Variants in ASAP3 observed in about 807,000 individuals in gnomAD.
ASAP3 encodes the protein arf-GAP with SH3 domain, ANK repeat and PH domain-containing protein 3.
ASAP3 carries 85 observed loss-of-function variants against 118.2 expected under a neutral mutation model. That is an observed-to-expected ratio of 0.72 (90% CI 0.60 to 0.86). ASAP3 has a LOEUF of 0.86. ASAP3 is among the 40% of genes least tolerant of loss of function. The pLI, the probability that ASAP3 is intolerant of heterozygous loss-of-function variation, is 0.00. For synonymous variants in ASAP3, 432 were observed against 477.4 expected (o/e 0.90, Z 1.24); for missense variants, 1,026 against 1,175.0 (o/e 0.87, Z 1.85).
intron 18 of ASAP3, 67 bp downstream of exon 18, chr1:23,434,466 A>G (rs1640561487): frequency 7.5e-6 from 12 of 1,598,444 alleles, no homozygotes. Context: ...AGGGAAGAGA[A>G]TGGGAGAAGA....
At chr1:23,459,575 G>A (rs1222499081) in intron 1 of ASAP3, among the ~76,000 whole-genome samples, 1 of 152,220 alleles carries the variant, frequency 6.6e-6, no homozygotes, top group Non-Finnish European at 1.5e-5. Context: ...TTGACTGACT[G>A]AAATGCTAAA....
intron 1 of ASAP3, among the ~76,000 whole-genome samples, chr1:23,467,857 G>A (rs1281119445): frequency 6.6e-6 from 1 of 150,942 alleles, no homozygotes; most frequent in African/African-American, 2.4e-5. Context: ...GGAGGCTGAG[G>A]CAGAGAACTG....
At position 23,452,873 on chromosome 1, in the gene ASAP3, G is replaced by C. The variant is rs778463651; in HGVS notation, c.349-102C>G. On this transcript the variant is annotated intron_variant, in intron 3 of 24. Coordinates refer to ENST00000336689, the MANE Select transcript of ASAP3 (RefSeq NM_017707.4). Reference sequence around the variant, plus strand: ...CATCACTTGGCAAAGAGAGCAGCGGGGAAGGGAAGTAGGGGAGAGGAAAAG... The same window carrying C: ...CATCACTTGGCAAAGAGAGCAGCGGCGAAGGGAAGTAGGGGAGAGGAAAAG... 3.3e-5 allele frequency: 38 copies of C among 1,154,170 alleles called. 1 individual carries two copies. The highest frequency in any genetic ancestry group is 4.7e-5 in the Non-Finnish European group (36 of 769,298). 71.5% of individuals were successfully genotyped at this position (1,154,170 alleles called of 1,614,324 possible). A position where few individuals can be genotyped will look rare whatever the true frequency, so the allele number is the denominator to read the frequency against.
intron 1 of ASAP3, among the ~76,000 whole-genome samples, chr1:23,482,211 C>T (rs767462967): frequency 2.2e-4 from 33 of 152,210 alleles, no homozygotes; most frequent in Admixed American, 6.5e-4. Flanking sequence ...ATTAATCTGA[C>T]GATAATCATT....
intron 1 of ASAP3, among the ~76,000 whole-genome samples, chr1:23,470,238 G>A (rs529089406): frequency 3.5e-4 from 54 of 152,312 alleles, no homozygotes; most frequent in African/African-American, 1.3e-3. Flanking sequence ...ACACAGTTGA[G>A]GTTAGTCATA....
Position 23,435,973 on chromosome 1 carries a change from G to T in ASAP3, c.1627C>A (p.Arg543=). Residue 543 remains arginine (R), a synonymous_variant, in exon 17 of 25, where the codon CGG becomes AGG. Coordinates refer to ENST00000336689, the MANE Select transcript of ASAP3 (RefSeq NM_017707.4). ...AKYVEHRFAR[R]CTPEPQRLWT... ...AGTCGCTGAGGCTCAGGTGTGCACC[G>T]GCGTGCAAACCTATGCTCCACATAC... 1 of 1,614,222 alleles carries T rather than the reference G, an allele frequency of 6.2e-7. No individual in the cohort carries two copies. The highest frequency in any genetic ancestry group is 8.5e-7 in the Non-Finnish European group (1 of 1,180,048).
At chr1:23,470,952 G>A (rs979577107) in intron 1 of ASAP3, among the ~76,000 whole-genome samples, 1 of 152,164 alleles carries the variant, frequency 6.6e-6, no homozygotes, top group Non-Finnish European at 1.5e-5. Context: ...GACTAACCGC[G>A]GAAGGTTCCT....
intron 23 of ASAP3, 131 bp from the exon 24 acceptor site, chr1:23,431,256 C>A: frequency 1.1e-6 from 1 of 882,524 alleles, no homozygotes; most frequent in Admixed American, 2.3e-5. Context: ...GCCCCCAGGC[C>A]AGGTCCATCA....
In ASAP3 at chr1:23,431,107, GGAGC is replaced by G; in HGVS notation, c.2561_2564del (p.Arg854ProfsTer136). 1 of 1,591,974 alleles carries G rather than the reference GGAGC, an allele frequency of 6.3e-7. No individual in the cohort carries two copies. The highest frequency in any genetic ancestry group is 8.5e-7 in the Non-Finnish European group (1 of 1,169,902). ...CAGGGCTCCGCGCCCCCCGCCGATA[GGAGC>G]GAGTGCTCTCGGAGCTGGAAGGCAG... On this transcript the variant is annotated frameshift_variant, in exon 24 of 25. Coordinates refer to ENST00000336689, the MANE Select transcript of ASAP3 (RefSeq NM_017707.4). LOFTEE classifies it high-confidence loss of function.
chr1:23,440,273 T>G lies in ASAP3; in HGVS notation c.944+829A>C, dbSNP rs1342032510. Among the ~76,000 whole-genome samples, 182 of 139,240 alleles carry G rather than the reference T, an allele frequency of 1.3e-3. No homozygotes were observed. The Middle Eastern group carries it at 0.031, about 24-fold the overall frequency. The allele number at this position is 139,240 out of a possible 152,430, so 91.3% of individuals were successfully genotyped here. A position where few individuals can be genotyped will look rare whatever the true frequency, so the allele number is the denominator to read the frequency against. On this transcript the variant is annotated intron_variant, in intron 10 of 24. Coordinates refer to ENST00000336689, the MANE Select transcript of ASAP3 (RefSeq NM_017707.4). ...TCCCAGCACTTTGGGAGGCTGAGGC[T>G]GGCAGATCACAAGGTCAGAAGATTG...
intron 4 of ASAP3, among the ~76,000 whole-genome samples, chr1:23,451,863 T>C (rs560893124): frequency 2.3e-4 from 35 of 152,244 alleles, no homozygotes; most frequent in Admixed American, 1.6e-3. Flanking sequence ...GAGAGATCAG[T>C]CATGACCATG....
At chr1:23,471,579 G>C (rs1641962579) in intron 1 of ASAP3, among the ~76,000 whole-genome samples, 1 of 152,178 alleles carries the variant, frequency 6.6e-6, no homozygotes, top group African/African-American at 2.4e-5. Context: ...GACAGCAAGG[G>C]TTAAGGACTC....
chr1:23,451,114 G>A (rs1047358493), intron 5 of ASAP3, among the ~76,000 whole-genome samples: 6 of 152,178 alleles, frequency 3.9e-5, no homozygotes, highest in African/African-American at 1.4e-4. Flanking sequence ...GTCCTCCTGT[G>A]GTAATTGTGA....
rs757118739 is a variant in ASAP3, at chr1:23,432,004, ATTT to A, written c.2324-89_2324-87del. The A allele has an allele frequency of 4.3e-3, 2,639 of 609,594 alleles. 1 individual carries two copies. Among genetic ancestry groups the A allele is most frequent in the East Asian group, 0.011 (274 of 25,332 alleles). The allele number at this position is 609,594 out of a possible 1,614,324, so 37.8% of individuals were successfully genotyped here. ...CTCAAAGCAGTCTCTGGCCTCTAGG[ATTT>A]TTTTTTTTTTTTTTTTTGAGACAGA... On this transcript the variant is annotated intron_variant, in intron 22 of 24. Transcript: ENST00000336689.
intron 1 of ASAP3, among the ~76,000 whole-genome samples, chr1:23,469,255 C>G (rs1641885972): frequency 2.0e-5 from 3 of 151,594 alleles, no homozygotes; most frequent in Admixed American, 2.0e-4. Flanking sequence ...GCAGTGAGCT[C>G]TGATTGCACC....
In ASAP3 at chr1:23,484,072, G is replaced by C. The variant is rs1012385676; in HGVS notation, c.62C>G (p.Pro21Arg). ...GGCGGCGAAGGCGGCGGCCCCAGCC[G>C]GGGAGCTGAGGTCCTCCGCGGTGAC... ...LAVTAEDLSSPAGAAAFAAKM... is the reference protein window; with the variant it reads ...LAVTAEDLSSRAGAAAFAAKM... Residue 21 changes from proline (P) to arginine (R), a missense_variant, in exon 1 of 25, where the codon CCG becomes CGG. Physicochemically the swap from Pro to Arg is moderately radical, Grantham distance 103. Transcript: ENST00000336689. 2 of 1,349,192 alleles carry C rather than the reference G, an allele frequency of 1.5e-6. No individual in the cohort carries two copies. The highest frequency in any genetic ancestry group is 1.9e-6 in the Non-Finnish European group (2 of 1,051,930). 83.6% of individuals were successfully genotyped at this position (1,349,192 alleles called of 1,614,324 possible). A position where few individuals can be genotyped will look rare whatever the true frequency, so the allele number is the denominator to read the frequency against.
In ASAP3 at chr1:23,439,183, C is replaced by T. The variant is rs1216480001; in HGVS notation, c.992G>A (p.Cys331Tyr). 8.1e-6 allele frequency: 13 copies of T among 1,614,016 alleles called. No homozygotes were observed. The highest frequency in any genetic ancestry group is 6.8e-6 in the Non-Finnish European group (8 of 1,180,018). The stretch of plus-strand genomic sequence containing the variant: ...CACCGTGCTGTGTGAGATGGTCAGG[C>T]AGCCATACTTGACTCCACACTTCCT... ...QKRKCGVKYG[C>Y]LTISHSTINR... Residue 331 changes from cysteine (C) to tyrosine (Y), a missense_variant, in exon 11 of 25, where the codon TGC (cysteine) becomes TAC (tyrosine). Cys to Tyr is a radical substitution (Grantham distance 194). Transcript: ENST00000336689.
At chr1:23,445,649 G>C (rs1558136202) in intron 5 of ASAP3, among the ~76,000 whole-genome samples, 1 of 152,156 alleles carries the variant, frequency 6.6e-6, no homozygotes, top group Non-Finnish European at 1.5e-5. Context: ...ATAATAGTAT[G>C]GCGATATATA....
chr1:23,440,223 T>A (rs1640813323), intron 10 of ASAP3, among the ~76,000 whole-genome samples: 1 of 149,300 alleles, frequency 6.7e-6, no homozygotes, highest in South Asian at 2.2e-4. Flanking sequence ...GGGCATAGGC[T>A]GGGCGCAGTG....
Sources: allele counts gnomAD v4.1 joint callset (sites outside exome capture counted in the v4.1 genomes callset), GRCh38; gene constraint gnomAD v4.1.1; transcripts MANE v1.5; gene names NCBI Gene and HGNC (gene_info 2026-07-23, HGNC 2026-07-21).